CPA6: variants seen among roughly 807,000 people sequenced by gnomAD.
CPA6 encodes carboxypeptidase B.
Under a neutral mutation model 63.3 loss-of-function variants are expected in CPA6, and 58 were observed. The ratio of observed to expected loss-of-function variants is 0.92; its 90% confidence interval spans 0.74 to 1.14. The LOEUF (loss-of-function observed/expected upper bound fraction) is 1.14. Ranked by LOEUF, CPA6 falls within the 50% of genes most tolerant of loss-of-function variation. The probability of loss-of-function intolerance (pLI) is 0.00; values close to 1 mark genes in which losing one functional copy is unlikely to be tolerated. For missense variants in CPA6, 565 were observed against 526.6 expected (o/e 1.07, Z -0.71); for synonymous variants, 185 against 179.0 (o/e 1.03, Z -0.27).
intron 1 of CPA6, among the ~76,000 whole-genome samples, chr8:67,724,501 G>A (rs1563409292): frequency 6.6e-6 from 1 of 152,178 alleles, no homozygotes; most frequent in Non-Finnish European, 1.5e-5. Flanking sequence ...CCAATTTCAG[G>A]TGTGCCCTAC....
intron 1 of CPA6, among the ~76,000 whole-genome samples, chr8:67,625,469 AG>A (rs1460054287): frequency 6.6e-6 from 1 of 152,196 alleles, no homozygotes; most frequent in Non-Finnish European, 1.5e-5. Context: ...GTGCCAGAAA[AG>A]TAGGCTATCA....
intron 1 of CPA6, among the ~76,000 whole-genome samples, chr8:67,677,117 G>T (rs868530903): frequency 6.6e-6 from 1 of 152,140 alleles, no homozygotes; most frequent in Admixed American, 6.5e-5. Context: ...GTTGCACAGG[G>T]TACAACCTTC....
In CPA6 at chr8:67,526,300, G is replaced by A. The variant is rs181444915; in HGVS notation, c.193-8253C>T. Among the ~76,000 whole-genome samples the A allele has an allele frequency of 2.3e-4, 35 of 152,280 alleles. No individual in the cohort carries two copies. In the East Asian group the frequency reaches 5.6e-3, roughly 24 times the overall value. Reference sequence around the variant, plus strand: ...GTCTAAAACTGTAATTGGTAAAGAAGCAGTGGTCACTGACATTAGCCAGAA... The same window carrying A: ...GTCTAAAACTGTAATTGGTAAAGAAACAGTGGTCACTGACATTAGCCAGAA... On this transcript the variant is annotated intron_variant, in intron 2 of 10. Coordinates refer to ENST00000297770, the MANE Select transcript of CPA6 (RefSeq NM_020361.5).
intron 8 of CPA6, among the ~76,000 whole-genome samples, chr8:67,440,803 A>G (rs1374752205): frequency 6.6e-6 from 1 of 152,064 alleles, no homozygotes; most frequent in Non-Finnish European, 1.5e-5. Flanking sequence ...CAGTATTATA[A>G]TCTTATGGGA....
intron 5 of CPA6, among the ~76,000 whole-genome samples, chr8:67,507,161 T>A (rs905743894): frequency 4.9e-4 from 74 of 152,124 alleles, no homozygotes; most frequent in African/African-American, 1.4e-3. Context: ...TAAAATTTTT[T>A]AATTTTAATT....
intron 1 of CPA6, among the ~76,000 whole-genome samples, chr8:67,694,249 T>A (rs1437973134): frequency 3.9e-5 from 6 of 152,240 alleles, no homozygotes; most frequent in Non-Finnish European, 8.8e-5. Context: ...CAGATAGGGA[T>A]GCTGTTTGGA....
chr8:67,575,851 A>AG (rs1813611435), intron 2 of CPA6, among the ~76,000 whole-genome samples: 1 of 152,126 alleles, frequency 6.6e-6, no homozygotes, highest in South Asian at 2.1e-4. Context: ...CCAAAAAAAA[A>AG]AAAAAAAGGA....
chr8:67,575,383 G>A lies in CPA6; in HGVS notation c.192+48793C>T, dbSNP rs74515734. Among the ~76,000 whole-genome samples the A allele has an allele frequency of 3.7e-3, 558 of 152,286 alleles. 4 individuals are homozygous for A. The highest frequency in any genetic ancestry group is 0.01 in the Middle Eastern group (3 of 294). On this transcript the variant is annotated intron_variant, in intron 2 of 10. Coordinates refer to ENST00000297770, the MANE Select transcript of CPA6 (RefSeq NM_020361.5). ...CATATGATCCAGCAATGCCACAAAT[G>A]GGTGTTTCTCTGAAATATTTAAAGT...
intron 8 of CPA6, chr8:67,483,135 C>G (rs557394883): frequency 6.6e-6 from 1 of 152,652 alleles, no homozygotes; most frequent in South Asian, 2.1e-4. Context: ...AATAATTTTC[C>G]ATCCTTTCCT....
chr8:67,699,494 A>T (rs977578665), intron 1 of CPA6, among the ~76,000 whole-genome samples: 2 of 152,136 alleles, frequency 1.3e-5, no homozygotes, highest in African/African-American at 4.8e-5. Context: ...CAAATAAATA[A>T]ATAAATAAAT....
chr8:67,475,761 T>TTATTTC (rs1563967156), intron 8 of CPA6, among the ~76,000 whole-genome samples: 1 of 125,194 alleles, frequency 8.0e-6, no homozygotes, highest in Non-Finnish European at 1.7e-5. Flanking sequence ...CTTTTTTTCT[T>TTATTTC]TCTTTCTCTT....
chr8:67,476,043 CT>C (rs1811229168), intron 8 of CPA6, among the ~76,000 whole-genome samples: 1 of 149,768 alleles, frequency 6.7e-6, no homozygotes, highest in Admixed American at 6.7e-5. Flanking sequence ...GATACAGAGT[CT>C]TGCTCTGTTG....
At chr8:67,638,243 A>G (rs1189901666) in intron 1 of CPA6, among the ~76,000 whole-genome samples, 2 of 151,322 alleles carry the variant, frequency 1.3e-5, no homozygotes, top group African/African-American at 4.9e-5. Flanking sequence ...TAGTGAAAAG[A>G]TGACTAGAAC....
chr8:67,639,097 C>A (rs1187531482), intron 1 of CPA6, among the ~76,000 whole-genome samples: 1 of 151,572 alleles, frequency 6.6e-6, no homozygotes, highest in Non-Finnish European at 1.5e-5. Flanking sequence ...AGAATTAGGC[C>A]TGTAGAGCCT....
intron 2 of CPA6, among the ~76,000 whole-genome samples, chr8:67,536,877 C>G (rs1317197984): frequency 6.6e-6 from 1 of 152,096 alleles, no homozygotes; most frequent in East Asian, 1.9e-4. Flanking sequence ...CCATCAATAC[C>G]TAGTTTATTG....
At chr8:67,639,949 C>T (rs1815552381) in intron 1 of CPA6, among the ~76,000 whole-genome samples, 1 of 151,394 alleles carries the variant, frequency 6.6e-6, no homozygotes, top group East Asian at 1.9e-4. Context: ...AGGGTAGCTA[C>T]TCTCTGTAGC....
At chr8:67,718,374 A>G (rs558625135) in intron 1 of CPA6, among the ~76,000 whole-genome samples, 39 of 152,304 alleles carry the variant, frequency 2.6e-4, no homozygotes, top group African/African-American at 8.7e-4. Context: ...AAGGGTCAGG[A>G]GGACAGAATT....
intron 9 of CPA6, among the ~76,000 whole-genome samples, chr8:67,428,920 T>C (rs1283938379): frequency 6.6e-6 from 1 of 152,234 alleles, no homozygotes; most frequent in Non-Finnish European, 1.5e-5. Context: ...ACATGAATGT[T>C]GAATAAGCAT....
At chr8:67,603,920 C>G (rs1814560419) in intron 2 of CPA6, among the ~76,000 whole-genome samples, 1 of 152,070 alleles carries the variant, frequency 6.6e-6, no homozygotes, top group Non-Finnish European at 1.5e-5. Flanking sequence ...AAGCTTACAT[C>G]TTTTTCAAAA....
Sources: allele counts gnomAD v4.1 joint callset (sites outside exome capture counted in the v4.1 genomes callset), GRCh38; gene constraint gnomAD v4.1.1; transcripts MANE v1.5; gene names NCBI Gene and HGNC (gene_info 2026-07-23, HGNC 2026-07-21).